HIP1: variants seen among roughly 807,000 people sequenced by gnomAD.
HIP1 encodes huntingtin-interacting protein 1.
A neutral mutation model predicts 147.6 loss-of-function variants in HIP1; 65 were observed. The observed-to-expected ratio is 0.44, with a 90% CI of 0.36 to 0.54. The LOEUF is 0.54. HIP1 is among the 20% of genes least tolerant of loss of function. The pLI, the probability that HIP1 is intolerant of heterozygous loss-of-function variation, is 0.00. For missense variants in HIP1, 1,061 were observed against 1,299.6 expected, an observed-to-expected ratio of 0.82 and a Z score of 2.82; for synonymous variants, 479 against 504.0, an observed-to-expected ratio of 0.95 and a Z score of 0.67.
chr7:75,640,886 C>G (rs953657304), intron 1 of HIP1, among the ~76,000 whole-genome samples: 26 of 152,170 alleles, frequency 1.7e-4, no homozygotes, highest in African/African-American at 6.0e-4. Flanking sequence ...AAGGCATCTC[C>G]TATCATGGCC....
chr7:75,665,425 T>A (rs964013707), intron 1 of HIP1, among the ~76,000 whole-genome samples: 10 of 151,964 alleles, frequency 6.6e-5, no homozygotes, highest in African/African-American at 2.4e-4. Flanking sequence ...GAGAACCACG[T>A]GGGGCACAAA....
intron 1 of HIP1, among the ~76,000 whole-genome samples, chr7:75,620,553 G>T (rs1797812672): frequency 6.6e-6 from 1 of 152,044 alleles, no homozygotes; most frequent in Non-Finnish European, 1.5e-5. Context: ...AGGGGTGGTG[G>T]TGCATGCCTG....
intron 1 of HIP1, among the ~76,000 whole-genome samples, chr7:75,684,447 C>CA (rs59055803): frequency 0.073 from 3,060 of 42,146 alleles, 116 homozygotes; most frequent in African/African-American, 0.1. Context: ...GACTCCGTCT[C>CA]AAAAAAAAAA....
intron 1 of HIP1, among the ~76,000 whole-genome samples, chr7:75,624,417 G>C (rs1339428591): frequency 6.6e-6 from 1 of 152,156 alleles, no homozygotes; most frequent in Non-Finnish European, 1.5e-5. Context: ...GTGAAGAAGA[G>C]CCCTTCCTTA....
In HIP1 at chr7:75,544,785, CA is replaced by C. The variant is rs1554490626; in HGVS notation, c.2675del (p.Leu892ArgfsTer12). On this transcript the variant is annotated frameshift_variant, in exon 27 of 31. Coordinates refer to ENST00000336926, the MANE Select transcript of HIP1 (RefSeq NM_005338.7). LOFTEE classifies it high-confidence loss of function. ...CAAATTTCCCTCTGCCTTGTACCAC[CA>C]GATCAGCTGCATCCCTGATGGAAAA... ...GATVMVDAAD[L>X]VVQGRGKFEE... 6.2e-7 allele frequency: 1 copy of C among 1,611,060 alleles called. No individual in the cohort carries two copies. The highest frequency in any genetic ancestry group is 1.7e-5 in the Admixed American group (1 of 60,006).
chr7:75,678,970 TCTC>T (rs1442612207), intron 1 of HIP1, among the ~76,000 whole-genome samples: 2 of 152,186 alleles, frequency 1.3e-5, no homozygotes, highest in African/African-American at 4.8e-5. Flanking sequence ...GATGTTTGGT[TCTC>T]CTATAAAAAC....
In HIP1 at chr7:75,553,635, C is replaced by T. The variant is rs782801052; in HGVS notation, c.2159-46G>A. 1.2e-5 allele frequency: 19 copies of T among 1,580,604 alleles called. 1 individual carries two copies. The South Asian group carries it at 1.7e-4, about 14-fold the overall frequency. ...ACACTTTTTTTTTGAGATGGAGTCT[C>T]GCTCTTGTTGCCCAGGCTGGAGTGC... On this transcript the variant is annotated intron_variant, in intron 21 of 30. Coordinates refer to ENST00000336926, the MANE Select transcript of HIP1 (RefSeq NM_005338.7).
chr7:75,656,434 A>AG (rs1423097224), intron 1 of HIP1, among the ~76,000 whole-genome samples: 1 of 33,996 alleles, frequency 2.9e-5, no homozygotes, highest in African/African-American at 2.6e-4. Flanking sequence ...ATAAACTTAG[A>AG]AAAAAAAAAA....
At chr7:75,554,838 G>A (rs1794929197) in intron 19 of HIP1, among the ~76,000 whole-genome samples, 1 of 151,972 alleles carries the variant, frequency 6.6e-6, no homozygotes, top group Non-Finnish European at 1.5e-5. Context: ...CACTTTGAGA[G>A]GCCAAGGTGG....
chr7:75,730,321 T>C (rs1365504600), intron 1 of HIP1, among the ~76,000 whole-genome samples: 2 of 151,600 alleles, frequency 1.3e-5, no homozygotes, highest in African/African-American at 4.8e-5. Flanking sequence ...AAGCCTCAAT[T>C]TCCTCCTCTG....
At chr7:75,692,962 C>T (rs566128950) in intron 1 of HIP1, among the ~76,000 whole-genome samples, 1 of 151,526 alleles carries the variant, frequency 6.6e-6, no homozygotes, top group East Asian at 2.0e-4. Context: ...GTCAGGAGTT[C>T]GAGACCAGCC....
rs372908170 is a variant in HIP1, at chr7:75,573,895, T to A, written c.611A>T (p.Asn204Ile). 1.2e-6 allele frequency: 2 copies of A among 1,610,030 alleles called. No individual in the cohort carries two copies. Among genetic ancestry groups the A allele is most frequent in the Non-Finnish European group, 1.7e-6 (2 of 1,177,380 alleles). The change falls in exon 8 of 31, where the codon AAC becomes ATC. Residue 204 changes from asparagine (N) to isoleucine (I), a missense_variant. Physicochemically the swap from Asn to Ile is moderately radical, Grantham distance 149. Around this residue, in one of 3 missense-constraint regions of HIP1, gnomAD observed 225 missense variants for 292.9 expected, o/e 0.77. Transcript: ENST00000336926. ...CELNLFQTVF[N>I]SLDMSRSVSV... ...CACAGAGCGGGACATGTCCAGGGAG[T>A]TGAATACTAGGAAATAAAAGTGAGG...
chr7:75,542,093 A>G, intron 28 of HIP1, 113 bp from the exon 29 acceptor site: 1 of 860,326 alleles, frequency 1.2e-6, no homozygotes, highest in South Asian at 1.4e-5. Context: ...ATTTGTCAAC[A>G]CTGCATGAAA....
At chr7:75,613,750 G>A (rs782152174) in intron 1 of HIP1, among the ~76,000 whole-genome samples, 1 of 152,182 alleles carries the variant, frequency 6.6e-6, no homozygotes, top group Non-Finnish European at 1.5e-5. Flanking sequence ...CCTACTGTCT[G>A]CCTCACCTTC....
Position 75,562,090 on chromosome 7 carries a change from A to G in HIP1, c.1101T>C (p.Gly367=), listed in dbSNP as rs782801330. 4 of 1,610,134 alleles carry G rather than the reference A, an allele frequency of 2.5e-6. No homozygotes were observed. The highest frequency in any genetic ancestry group is 1.3e-5 in the African/African-American group (1 of 74,860). Residue 367 remains glycine, a synonymous_variant, in exon 12 of 31, where the codon GGT becomes GGC. Coordinates refer to ENST00000336926, the MANE Select transcript of HIP1 (RefSeq NM_005338.7). ...SDPFNFNSQN[G]VNKDEKDHLI... ...GGACTCACTTCTCATCCTTGTTCAC[A>G]CCATTTTGACTGTTGAAATTGAAGG...
intron 2 of HIP1, among the ~76,000 whole-genome samples, chr7:75,594,204 C>T (rs781863760): frequency 4.6e-5 from 7 of 151,698 alleles, no homozygotes; most frequent in African/African-American, 1.2e-4. Context: ...TGCTTGAACC[C>T]GGGAGGCAGA....
intron 1 of HIP1, among the ~76,000 whole-genome samples, chr7:75,726,221 A>C (rs1174036429): frequency 6.6e-6 from 1 of 151,978 alleles, no homozygotes; most frequent in African/African-American, 2.4e-5. Flanking sequence ...TAGTTTTAGC[A>C]TAACACTAGA....
At chr7:75,648,563 C>T (rs373732277) in intron 1 of HIP1, among the ~76,000 whole-genome samples, 3 of 152,132 alleles carry the variant, frequency 2.0e-5, no homozygotes, top group African/African-American at 7.2e-5. Context: ...AGGGTGATTT[C>T]AAGCACGGCT....
rs189092220 is a variant in HIP1 at position 75,574,865 on chromosome 7, G to A, written c.605-964C>T. Among the ~76,000 whole-genome samples the A allele has an allele frequency of 3.3e-5, 5 of 151,692 alleles. No individual in the cohort carries two copies. In the East Asian group the frequency reaches 5.9e-4, roughly 18 times the overall value. ...TCATCTTCATTTTTTTCCTCTTTAC[G>A]AGACTGGGTCTCAGCCAGGTGCAGT... On this transcript the variant is annotated intron_variant, in intron 7 of 30. Transcript: ENST00000336926.
Sources: allele counts gnomAD v4.1 joint callset (sites outside exome capture counted in the v4.1 genomes callset), GRCh38; gene constraint gnomAD v4.1.1; regional missense constraint gnomAD v4.1.1; transcripts MANE v1.5; gene names NCBI Gene and HGNC (gene_info 2026-07-23, HGNC 2026-07-21).